Variants in SMOX observed in about 807,000 individuals in gnomAD.
SMOX encodes flavin containing amine oxidase.
SMOX carries 22 observed loss-of-function variants against 51.0 expected under a neutral mutation model. The observed-to-expected ratio is 0.43, with a 90% CI of 0.31 to 0.62. The LOEUF (loss-of-function observed/expected upper bound fraction) is 0.62. Ranked by LOEUF, SMOX falls within the 20% of genes least tolerant of loss-of-function variation. SMOX has a pLI of 0.10. For synonymous variants in SMOX, 282 were observed against 307.8 expected, an observed-to-expected ratio of 0.92 and a Z score of 0.88; for missense variants, 566 against 777.7, an observed-to-expected ratio of 0.73 and a Z score of 3.24.
chr20:4,168,532 TGG>T (rs1250885240), intron 1 of SMOX, among the ~76,000 whole-genome samples: 1 of 150,728 alleles, frequency 6.6e-6, no homozygotes, highest in Non-Finnish European at 1.5e-5. Context: ...GGGCCAGAGA[TGG>T]GTAGGAGTTT....
In SMOX at chr20:4,175,021, C is replaced by T. The variant is rs2295483; in HGVS notation, c.-26-9C>T. ...AGCCACTAAGCTGTGACACCTCCTCCCCCTGCAGGTTCCTAGAAGGTGAGC... is the reference window on the plus strand; with the variant it reads ...AGCCACTAAGCTGTGACACCTCCTCTCCCTGCAGGTTCCTAGAAGGTGAGC... On this transcript the variant is annotated splice_polypyrimidine_tract_variant and intron_variant, in intron 1 of 6. Coordinates refer to ENST00000305958, the MANE Select transcript of SMOX (RefSeq NM_175839.3). 0.025 allele frequency: 40,677 copies of T among 1,610,714 alleles called. 1,331 individuals are homozygous for T. The highest frequency in any genetic ancestry group is 0.14 in the African/African-American group (10,743 of 74,880).
rs1986604341 is a variant in SMOX at position 4,167,202 on chromosome 20, G to A, written c.-26-7828G>A. Among the ~76,000 whole-genome samples, 3 of 152,192 alleles carry A rather than the reference G, an allele frequency of 2.0e-5. No homozygotes were observed. Among genetic ancestry groups the A allele is most frequent in the Admixed American group, 1.3e-4 (2 of 15,286 alleles). ...GGGTTGGGGTCAGTCAGATACAGAT[G>A]TGAGGTGCCTGCATGATGTCAGTGT... On this transcript the variant is annotated intron_variant, in intron 1 of 6. Transcript: ENST00000305958. This position sits in a 1 kb window ranked among gnomAD's most constrained non-coding sequence, Gnocchi z 4.8.
rs1178587834 is a variant in SMOX at position 4,149,755 on chromosome 20, T to G, written c.-27+778T>G. Among the ~76,000 whole-genome samples, 1 of 152,120 alleles carries G rather than the reference T, an allele frequency of 6.6e-6. No homozygotes were observed. The highest frequency in any genetic ancestry group is 1.5e-5 in the Non-Finnish European group (1 of 68,006). On this transcript the variant is annotated intron_variant, in intron 1 of 6. Coordinates refer to ENST00000305958, the MANE Select transcript of SMOX (RefSeq NM_175839.3). The surrounding 1 kb of genome is among the most constrained non-coding windows in gnomAD (Gnocchi z 6.0). ...ACTTGGCCCGATGAGATACGCTCGG[T>G]GCCCGGCACGTATAGTGAGAGGTGC...
In SMOX at chr20:4,183,640, A is replaced by G; in HGVS notation, c.1516A>G (p.Ser506Gly). ...KLAKPLPYTE[S>G]SKTAPMQVLF... is the part of the protein sequence containing the mutation. Reference sequence around the variant, plus strand: ...GGCCAAGCCCCTGCCGTACACAGAGAGCTCAAAGACAGCGGTAAGCGGGGC... The same window carrying G: ...GGCCAAGCCCCTGCCGTACACAGAGGGCTCAAAGACAGCGGTAAGCGGGGC... Residue 506 changes from serine to glycine, a missense_variant, in exon 6 of 7, where the codon AGC (serine) becomes GGC (glycine). Physicochemically the swap from Ser to Gly is moderately conservative, Grantham distance 56 (BLOSUM62 0). Transcript: ENST00000305958. The surrounding 1 kb of genome is among the most constrained non-coding windows in gnomAD (Gnocchi z 4.3). 1 of 1,581,504 alleles carries G rather than the reference A, an allele frequency of 6.3e-7. No homozygotes were observed. Among genetic ancestry groups the G allele is most frequent in the Non-Finnish European group, 8.6e-7 (1 of 1,164,682 alleles).
chr20:4,165,388 T>C (rs6084651), intron 1 of SMOX, among the ~76,000 whole-genome samples: 69,391 of 151,944 alleles, frequency 0.46, 17,386 homozygotes, highest in Non-Finnish European at 0.56. Context: ...TTTGGAGAGA[T>C]AGGGTCTTGC....
rs1355086512 is a variant in SMOX at position 4,187,047 on chromosome 20, G to A, written c.1531-223G>A. Among the ~76,000 whole-genome samples the A allele has an allele frequency of 1.3e-5, 2 of 152,278 alleles. No homozygotes were observed. The highest frequency in any genetic ancestry group is 3.4e-3 in the Middle Eastern group (1 of 294). ...AAAGAGCCTTTGAGACCACAGAGCC[G>A]GGACTCCTAATGGCCTCAAGACAGA... On this transcript the variant is annotated intron_variant, in intron 6 of 6. Coordinates refer to ENST00000305958, the MANE Select transcript of SMOX (RefSeq NM_175839.3). This position sits in a 1 kb window ranked among gnomAD's most constrained non-coding sequence, Gnocchi z 4.8.
Position 4,153,115 on chromosome 20 carries a change from G to A in SMOX, c.-27+4138G>A, listed in dbSNP as rs1042148490. Among the ~76,000 whole-genome samples, 7 of 152,144 alleles carry A rather than the reference G, an allele frequency of 4.6e-5. No individual in the cohort carries two copies. The highest frequency in any genetic ancestry group is 1.4e-4 in the African/African-American group (6 of 41,432). On this transcript the variant is annotated intron_variant, in intron 1 of 6. Coordinates refer to ENST00000305958, the MANE Select transcript of SMOX (RefSeq NM_175839.3). This position sits in a 1 kb window ranked among gnomAD's most constrained non-coding sequence, Gnocchi z 4.4. Reference sequence around the variant, plus strand: ...GGGTCCTCGCTTGGAGTGGGTGACCGAATTTTTCTGCTTCATGCCCCACTT... The same window carrying A: ...GGGTCCTCGCTTGGAGTGGGTGACCAAATTTTTCTGCTTCATGCCCCACTT...
intron 3 of SMOX, among the ~76,000 whole-genome samples, chr20:4,179,716 A>C (rs986336765): frequency 6.6e-6 from 1 of 152,202 alleles, no homozygotes; most frequent in Non-Finnish European, 1.5e-5. Context: ...AATCTTGAGC[A>C]GGTTATTGAG....
intron 1 of SMOX, among the ~76,000 whole-genome samples, chr20:4,150,143 G>A (rs1008211365): frequency 3.0e-4 from 45 of 152,202 alleles, no homozygotes; most frequent in African/African-American, 8.2e-4. Flanking sequence ...ATATGCCTTG[G>A]CACCCTGTCT....
Position 4,177,786 on chromosome 20 carries a change from T to A in SMOX, c.435+209T>A, listed in dbSNP as rs565018537. Among the ~76,000 whole-genome samples, 2 of 152,244 alleles carry A rather than the reference T, an allele frequency of 1.3e-5. No homozygotes were observed. Among genetic ancestry groups the A allele is most frequent in the Non-Finnish European group, 2.9e-5 (2 of 68,044 alleles). On this transcript the variant is annotated intron_variant, in intron 3 of 6. Transcript: ENST00000305958. This position sits in a 1 kb window ranked among gnomAD's most constrained non-coding sequence, Gnocchi z 4.3. ...AATTATTTTTAATTCTAATAATACA[T>A]CTATTATGTTAATTGTATTAATTTA...
At position 4,153,416 on chromosome 20, in the gene SMOX, A is replaced by G. The variant is rs1215518159; in HGVS notation, c.-27+4439A>G. ...GAAAGGAGGAAAGGCTTCCCCTGGGATGCCAGGCTGAGGAACTGGGCCAGG... is the reference window on the plus strand; with the variant it reads ...GAAAGGAGGAAAGGCTTCCCCTGGGGTGCCAGGCTGAGGAACTGGGCCAGG... On this transcript the variant is annotated intron_variant, in intron 1 of 6. Transcript: ENST00000305958. This position sits in a 1 kb window ranked among gnomAD's most constrained non-coding sequence, Gnocchi z 4.4. Among the ~76,000 whole-genome samples, 2 of 152,142 alleles carry G rather than the reference A, an allele frequency of 1.3e-5. No individual in the cohort carries two copies. Among genetic ancestry groups the G allele is most frequent in the African/African-American group, 4.8e-5 (2 of 41,430 alleles).
intron 3 of SMOX, among the ~76,000 whole-genome samples, chr20:4,178,922 A>C (rs1356659155): frequency 6.6e-6 from 1 of 152,084 alleles, no homozygotes; most frequent in African/African-American, 2.4e-5. Flanking sequence ...ACCTCAGGTG[A>C]TCCGCCCACC....
chr20:4,149,749 G>T lies in SMOX; in HGVS notation c.-27+772G>T, dbSNP rs1180010541. The stretch of plus-strand genomic sequence containing the variant: ...AGGGGGACTTGGCCCGATGAGATAC[G>T]CTCGGTGCCCGGCACGTATAGTGAG... On this transcript the variant is annotated intron_variant, in intron 1 of 6. Coordinates refer to ENST00000305958, the MANE Select transcript of SMOX (RefSeq NM_175839.3). The surrounding 1 kb of genome is among the most constrained non-coding windows in gnomAD (Gnocchi z 6.0). Among the ~76,000 whole-genome samples the T allele has an allele frequency of 1.3e-5, 2 of 152,204 alleles. No individual in the cohort carries two copies. Among genetic ancestry groups the T allele is most frequent in the Non-Finnish European group, 1.5e-5 (1 of 68,026 alleles).
intron 1 of SMOX, among the ~76,000 whole-genome samples, chr20:4,155,501 C>T (rs1008403881): frequency 6.6e-6 from 1 of 152,156 alleles, no homozygotes; most frequent in Non-Finnish European, 1.5e-5. Flanking sequence ...TGTCAGTCTC[C>T]TCATCTGTAA....
chr20:4,186,764 C>T, intron 6 of SMOX: 1 of 781,060 alleles, frequency 1.3e-6, no homozygotes, highest in Non-Finnish European at 2.4e-6. Flanking sequence ...CACAAAGCAG[C>T]AGCCTGGTCA....
At chr20:4,175,475 C>T (rs1250324178) in intron 2 of SMOX, among the ~76,000 whole-genome samples, 1 of 152,220 alleles carries the variant, frequency 6.6e-6, no homozygotes, top group Non-Finnish European at 1.5e-5. Flanking sequence ...GTGGAGAATG[C>T]TGGCTTGCTT....
chr20:4,161,540 T>A (rs1473758885), intron 1 of SMOX, among the ~76,000 whole-genome samples: 7 of 152,212 alleles, frequency 4.6e-5, no homozygotes, highest in African/African-American at 1.7e-4. Context: ...CCCAGCGGTG[T>A]CATGCCTGGT....
Position 4,153,936 on chromosome 20 carries a change from C to CCT in SMOX, c.-27+4960_-27+4961dup, listed in dbSNP as rs1473678527. 1.3e-5 allele frequency among the ~76,000 whole-genome samples: 2 copies of CCT among 152,206 alleles called. No homozygotes were observed. Among genetic ancestry groups the CCT allele is most frequent in the East Asian group, 3.8e-4 (2 of 5,200 alleles). On this transcript the variant is annotated intron_variant, in intron 1 of 6. Transcript: ENST00000305958. This position sits in a 1 kb window ranked among gnomAD's most constrained non-coding sequence, Gnocchi z 4.4. ...GCACCTGGCATCTCCTGTGCCCCAG[C>CCT]CTGGTGTTCAGAGCCTTTGGGAACA... is the stretch of plus-strand genomic sequence containing the variant.
chr20:4,154,532 C>T (rs56098945), intron 1 of SMOX, among the ~76,000 whole-genome samples: 1 of 152,212 alleles, frequency 6.6e-6, no homozygotes, highest in South Asian at 2.1e-4. Flanking sequence ...CAGGTGCCCA[C>T]CACCATCTTT....
Sources: allele counts gnomAD v4.1 joint callset (sites outside exome capture counted in the v4.1 genomes callset), GRCh38; gene constraint gnomAD v4.1.1; non-coding constraint Gnocchi (gnomAD v3.1); transcripts MANE v1.5; gene names NCBI Gene and HGNC (gene_info 2026-07-23, HGNC 2026-07-21).